KATNAL2: variants seen among roughly 807,000 people sequenced by gnomAD.
KATNAL2 encodes katanin catalytic subunit A1 like 2.
In KATNAL2, 52 loss-of-function variants were observed where a neutral mutation model predicts 76.3. The ratio of observed to expected loss-of-function variants is 0.68; its 90% CI spans 0.55 to 0.86. The LOEUF (loss-of-function observed/expected upper bound fraction) is 0.86. KATNAL2 is among the 40% of genes least tolerant of loss of function. KATNAL2 has a pLI of 0.00. For synonymous variants in KATNAL2, 243 were observed against 244.2 expected, an observed-to-expected ratio of 1.00 and a Z score of 0.05; for missense variants, 660 against 668.9, an observed-to-expected ratio of 0.99 and a Z score of 0.15.
At chr18:47,057,088 G>C (rs57153435) in intron 6 of KATNAL2, among the ~76,000 whole-genome samples, 4 of 152,190 alleles carry the variant, frequency 2.6e-5, no homozygotes, top group Admixed American at 2.6e-4. Flanking sequence ...GTGGACATTG[G>C]TGGTGTTATC....
At chr18:46,931,805 G>GA (rs1256678151) in intron 1 of KATNAL2, among the ~76,000 whole-genome samples, 1 of 151,592 alleles carries the variant, frequency 6.6e-6, no homozygotes, top group Admixed American at 6.6e-5. Context: ...TAATTAAATG[G>GA]AAAAAACAAT....
At position 47,062,027 on chromosome 18, in the gene KATNAL2, G is replaced by A. The variant is rs867267877; in HGVS notation, c.550-945G>A. Among the ~76,000 whole-genome samples the A allele has an allele frequency of 3.3e-5, 5 of 152,086 alleles. No individual in the cohort carries two copies. The Middle Eastern group carries it at 0.01, about 310-fold the overall frequency. On this transcript the variant is annotated intron_variant, in intron 8 of 17. Transcript: ENST00000683218. ...CTGGGCAAATTACTTAACCTCTCTGGACTTACTCCCACATCTATGAAGCCA... is the reference window on the plus strand; with the variant it reads ...CTGGGCAAATTACTTAACCTCTCTGAACTTACTCCCACATCTATGAAGCCA...
At chr18:47,032,207 T>C (rs2060498334) in intron 3 of KATNAL2, among the ~76,000 whole-genome samples, 1 of 152,256 alleles carries the variant, frequency 6.6e-6, no homozygotes, top group African/African-American at 2.4e-5. Flanking sequence ...TACCAGTGAT[T>C]ACCATTCACT....
intron 10 of KATNAL2, among the ~76,000 whole-genome samples, 188 bp from the exon 11 acceptor site, chr18:47,066,833 A>C: frequency 2.0e-5 from 2 of 98,466 alleles, no homozygotes; most frequent in African/African-American, 3.6e-5. Flanking sequence ...CAAAATTACA[A>C]TGTATATATG....
chr18:46,958,540 A>G (rs2059833793), intron 3 of KATNAL2, among the ~76,000 whole-genome samples: 2 of 152,214 alleles, frequency 1.3e-5, no homozygotes, highest in South Asian at 4.1e-4. Context: ...TGACTAACAC[A>G]GATTTGTATC....
chr18:47,080,168 TTTGA>T (rs1173631140), intron 15 of KATNAL2, among the ~76,000 whole-genome samples: 1 of 152,220 alleles, frequency 6.6e-6, no homozygotes, highest in African/African-American at 2.4e-5. Context: ...TTTTTTTCTC[TTTGA>T]TTTTTAGTTG....
At chr18:47,034,031 T>C (rs756440578) in intron 3 of KATNAL2, 10 of 1,614,100 alleles carry the variant, frequency 6.2e-6, no homozygotes, top group Non-Finnish European at 7.6e-6. Context: ...TTTGCTTTCC[T>C]TTGTTTATCT....
At chr18:47,091,983 T>A (rs1000825033) in intron 15 of KATNAL2, among the ~76,000 whole-genome samples, 4 of 152,170 alleles carry the variant, frequency 2.6e-5, no homozygotes, top group African/African-American at 9.7e-5. Context: ...GGGTTTTCAG[T>A]CTGATATCAG....
In KATNAL2 at chr18:47,098,488, C is replaced by T. The variant is rs144821677; in HGVS notation, c.1212-755C>T. Reference sequence around the variant, plus strand: ...CAGCATGCGTGGTGGAAACTGCTCACGATTCAAATTATCTCCTACTGGGTC... The same window carrying T: ...CAGCATGCGTGGTGGAAACTGCTCATGATTCAAATTATCTCCTACTGGGTC... On this transcript the variant is annotated intron_variant, in intron 15 of 17. Coordinates refer to ENST00000683218, the MANE Select transcript of KATNAL2 (RefSeq NM_001387690.1). 786 of 159,804 alleles carry T rather than the reference C, an allele frequency of 4.9e-3. 2 individuals are homozygous for T. Among genetic ancestry groups the T allele is most frequent in the South Asian group, 0.01 (60 of 5,896 alleles). The allele number at this position is 159,804 out of a possible 1,614,324, so 9.9% of individuals were successfully genotyped here.
chr18:46,947,473 C>T (rs1424985042), intron 3 of KATNAL2, among the ~76,000 whole-genome samples: 2 of 152,132 alleles, frequency 1.3e-5, no homozygotes, highest in African/African-American at 4.8e-5. Flanking sequence ...AAGTGGTTTA[C>T]CGTGGTCTGT....
intron 6 of KATNAL2, among the ~76,000 whole-genome samples, chr18:47,056,103 C>G (rs148269809): frequency 6.6e-6 from 1 of 152,074 alleles, no homozygotes; most frequent in African/African-American, 2.4e-5. Flanking sequence ...TGCTGATGAA[C>G]CAAGGGAGGA....
intron 10 of KATNAL2, among the ~76,000 whole-genome samples, chr18:47,065,759 G>T (rs1240365368): frequency 6.6e-6 from 1 of 152,052 alleles, no homozygotes; most frequent in Non-Finnish European, 1.5e-5. Flanking sequence ...CGAGGCAGAA[G>T]GATCACTTGT....
chr18:47,071,837 CAG>C (rs1460442165), intron 13 of KATNAL2, among the ~76,000 whole-genome samples: 1 of 144,358 alleles, frequency 6.9e-6, no homozygotes, highest in Non-Finnish European at 1.5e-5. Context: ...TCCTCTGGTT[CAG>C]TATTATTTTG....
At chr18:47,056,387 A>C (rs2061472385) in intron 6 of KATNAL2, among the ~76,000 whole-genome samples, 1 of 152,208 alleles carries the variant, frequency 6.6e-6, no homozygotes, top group Non-Finnish European at 1.5e-5. Context: ...CTGGAAGGTG[A>C]CCAGTATGAG....
chr18:46,936,917 T>C, intron 1 of KATNAL2, among the ~76,000 whole-genome samples: 1 of 152,136 alleles, frequency 6.6e-6, no homozygotes. Context: ...ATCATGCCAT[T>C]GCACTCCAGC....
At chr18:46,927,914 G>A (rs900074096) in intron 1 of KATNAL2, among the ~76,000 whole-genome samples, 7 of 152,260 alleles carry the variant, frequency 4.6e-5, no homozygotes, top group Non-Finnish European at 1.0e-4. Context: ...CGTAGCTCTT[G>A]TGCCTTGGTT....
At chr18:46,934,824 T>C (rs1568987883) in intron 1 of KATNAL2, among the ~76,000 whole-genome samples, 1 of 152,200 alleles carries the variant, frequency 6.6e-6, no homozygotes, top group Non-Finnish European at 1.5e-5. Flanking sequence ...TTAATTTTTG[T>C]ATAAGGTGTA....
intron 7 of KATNAL2, among the ~76,000 whole-genome samples, chr18:47,059,276 G>A (rs2061560665): frequency 6.6e-6 from 1 of 152,208 alleles, no homozygotes; most frequent in Admixed American, 6.5e-5. Context: ...GAATGGGGAT[G>A]GGTTGAGGCA....
intron 15 of KATNAL2, among the ~76,000 whole-genome samples, chr18:47,089,322 C>G (rs1199958031): frequency 6.6e-6 from 1 of 152,126 alleles, no homozygotes; most frequent in African/African-American, 2.4e-5. Flanking sequence ...ACAAGAGAAG[C>G]TAGTTTATCT....
Sources: allele counts gnomAD v4.1 joint callset (sites outside exome capture counted in the v4.1 genomes callset), GRCh38; gene constraint gnomAD v4.1.1; transcripts MANE v1.5; gene names NCBI Gene and HGNC (gene_info 2026-07-23, HGNC 2026-07-21).